The following ZMYM6 variants were observed in gnomAD, a reference collection of about 807,000 sequenced individuals.
ZMYM6 encodes zinc finger MYM-type protein 6.
Under a neutral mutation model 134.0 loss-of-function variants are expected in ZMYM6, and 90 were observed. The ratio of observed to expected loss-of-function variants is 0.67; its 90% confidence interval spans 0.57 to 0.80. The LOEUF is 0.80. ZMYM6 is among the 30% of genes least tolerant of loss of function. The pLI is 0.00. For synonymous variants in ZMYM6, 481 were observed against 524.1 expected (o/e 0.92, Z 1.12); for missense variants, 1,362 against 1,533.9 (o/e 0.89, Z 1.87).
chr1:35,012,604 G>C (rs1464746745), intron 6 of ZMYM6, 23 bp from the exon 7 acceptor site: 4 of 1,611,416 alleles, frequency 2.5e-6, no homozygotes, highest in Non-Finnish European at 3.4e-6. Context: ...AATAACATTA[G>C]ATACCTAGTA....
At chr1:35,007,850 G>A (rs756867602) in intron 11 of ZMYM6, among the ~76,000 whole-genome samples, 1 of 151,290 alleles carries the variant, frequency 6.6e-6, no homozygotes, top group Middle Eastern at 3.4e-3. Context: ...TGGGATGGGG[G>A]AAGAAAAGAT....
chr1:35,001,121 A>G (rs2148447696), intron 14 of ZMYM6, among the ~76,000 whole-genome samples: 1 of 152,306 alleles, frequency 6.6e-6, no homozygotes, highest in South Asian at 2.1e-4. Flanking sequence ...CTTTTATAGA[A>G]AAAGTTTGCT....
At position 34,988,650 on chromosome 1, in the gene ZMYM6, A is replaced by G. The variant is rs1346077720; in HGVS notation, c.2432T>C (p.Met811Thr). 3.9e-6 allele frequency: 6 copies of G among 1,547,254 alleles called. No individual in the cohort carries two copies. Among genetic ancestry groups the G allele is most frequent in the Non-Finnish European group, 5.2e-6 (6 of 1,145,628 alleles). ...VDFFEQKSLEMECQNSSLKKC... is the reference protein window; with the variant it reads ...VDFFEQKSLETECQNSSLKKC... ...TTTTAAAGAACTATTTTGACATTCC[A>G]TTTCTAAAGATTTTTGTTCAAAAAA... Residue 811 changes from methionine (M) to threonine (T), a missense_variant, in exon 16 of 16, where the codon ATG becomes ACG. Physicochemically the swap from Met to Thr is moderately conservative, Grantham distance 81 (BLOSUM62 -1). This residue lies in a region of ZMYM6 where 824 missense variants were observed against 940.9 expected (regional missense o/e 0.88). Coordinates refer to ENST00000357182, the MANE Select transcript of ZMYM6 (RefSeq NM_007167.4).
intron 11 of ZMYM6, among the ~76,000 whole-genome samples, chr1:35,007,556 C>T (rs1474242335): frequency 1.3e-5 from 2 of 151,694 alleles, no homozygotes; most frequent in Non-Finnish European, 2.9e-5. Context: ...TCACTGCACT[C>T]CAGCCTGGGT....
At chr1:35,007,807 T>A (rs1386581546) in intron 11 of ZMYM6, among the ~76,000 whole-genome samples, 3 of 151,624 alleles carry the variant, frequency 2.0e-5, no homozygotes, top group African/African-American at 7.3e-5. Flanking sequence ...TAGAACAAGA[T>A]TCTGTCTGGC....
chr1:34,987,556 A>T lies in ZMYM6; in HGVS notation c.3526T>A (p.Ser1176Thr). Residue 1176 changes from serine to threonine, a missense_variant, in exon 16 of 16, where the codon TCA (serine) becomes ACA (threonine). Transcript: ENST00000357182. The part of the protein sequence containing the change: ...FPSFSEFSNS[S>T]GLNMTDITRI... ...GTGATGTCTGTCATATTTAAGCCTG[A>T]TGAATTTGAGAATTCAGAAAATGAA... is the stretch of plus-strand genomic sequence containing the variant. 6.2e-7 allele frequency: 1 copy of T among 1,613,978 alleles called. No homozygotes were observed. The highest frequency in any genetic ancestry group is 8.5e-7 in the Non-Finnish European group (1 of 1,179,962).
intron 4 of ZMYM6, among the ~76,000 whole-genome samples, chr1:35,015,943 T>C (rs751607935): frequency 7.9e-6 from 1 of 126,292 alleles, no homozygotes; most frequent in Non-Finnish European, 1.5e-5. Flanking sequence ...AATTTTTTCT[T>C]TCTTTTTTTT....
At chr1:35,012,974 G>A in intron 6 of ZMYM6, 6 of 983,846 alleles carry the variant, frequency 6.1e-6, no homozygotes, top group Non-Finnish European at 7.2e-6. Flanking sequence ...TACTTAATTT[G>A]TGAGATTCTT....
chr1:35,012,916 T>C, intron 6 of ZMYM6: 1 of 985,320 alleles, frequency 1.0e-6, no homozygotes, highest in Non-Finnish European at 1.2e-6. Context: ...GGGTCATTCT[T>C]GGTATAGTCT....
Position 35,010,842 on chromosome 1 carries a change from A to T in ZMYM6, c.1257T>A (p.Val419=), listed in dbSNP as rs184782488. The T allele has an allele frequency of 4.3e-6, 7 of 1,613,320 alleles. No homozygotes were observed. The African/African-American group carries it at 9.3e-5, about 22-fold the overall frequency. ...GTTTAACAACTGTATGGGTTAAAGCAACTTGCTGGGATTGTTCAGCAAGAG... is the reference window on the plus strand; with the variant it reads ...GTTTAACAACTGTATGGGTTAAAGCTACTTGCTGGGATTGTTCAGCAAGAG... ...LQPLAEQSQQ[V]ALTHTVVKLK... Residue 419 remains valine, a synonymous_variant, in exon 9 of 16, where the codon GTT becomes GTA. Coordinates refer to ENST00000357182, the MANE Select transcript of ZMYM6 (RefSeq NM_007167.4).
At chr1:35,026,328 A>G (rs997896932) in intron 2 of ZMYM6, among the ~76,000 whole-genome samples, 1 of 152,194 alleles carries the variant, frequency 6.6e-6, no homozygotes, top group African/African-American at 2.4e-5. Flanking sequence ...GCCTTCAACT[A>G]TAATTTTAAT....
chr1:35,006,917 A>T, intron 12 of ZMYM6, 34 bp downstream of exon 12: 1 of 1,588,086 alleles, frequency 6.3e-7, no homozygotes, highest in Non-Finnish European at 8.6e-7. Context: ...CCTAGCACTG[A>T]CATAAAAATC....
rs1316629263 is a variant in ZMYM6, at chr1:35,013,433, T to TTTTTCCC, written c.796-853_796-852insGGGAAAA. On this transcript the variant is annotated intron_variant, in intron 6 of 15. Transcript: ENST00000357182. Reference sequence around the variant, plus strand: ...AGGTTTCACTACATAATCTTCCTAGTAAAAAGACAGAGTACAATACTAGTA... The same window carrying TTTTTCCC: ...AGGTTTCACTACATAATCTTCCTAGTTTTTCCCAAAAAGACAGAGTACAATACTAGTA... The TTTTTCCC allele has an allele frequency of 4.1e-6, 4 of 984,450 alleles. No individual in the cohort carries two copies. The African/African-American group carries it at 7.0e-5, about 17-fold the overall frequency. The allele number at this position is 984,450 out of a possible 1,614,324, so 61.0% of individuals were successfully genotyped here.
intron 11 of ZMYM6, 107 bp downstream of exon 11, chr1:35,008,645 T>C (rs1641029223): frequency 1.8e-6 from 2 of 1,123,348 alleles, no homozygotes; most frequent in South Asian, 1.7e-5. Context: ...ACTTATTTTA[T>C]CCAGTGCTAA....
chr1:35,030,082 T>TATTA (rs1402697500), intron 2 of ZMYM6: 1 of 154,232 alleles, frequency 6.5e-6, no homozygotes, highest in African/African-American at 2.4e-5. Flanking sequence ...ATGGTAAATA[T>TATTA]ATTACTTTCC....
rs572815505 is a variant in ZMYM6, at chr1:35,007,242, G to C, written c.1666-144C>G. 1,402 of 740,510 alleles carry C rather than the reference G, an allele frequency of 1.9e-3. 3 individuals are homozygous for C. Among genetic ancestry groups the C allele is most frequent in the Non-Finnish European group, 1.8e-3 (900 of 510,966 alleles). 45.9% of individuals were successfully genotyped at this position (740,510 alleles called of 1,614,324 possible). On this transcript the variant is annotated intron_variant, in intron 11 of 15. Transcript: ENST00000357182. ...TGTAAGGTTCTTACCTTAAAATACT[G>C]ATTTTATTTAATTATTTGTTTTATA... is the stretch of plus-strand genomic sequence containing the variant.
At chr1:35,022,953 T>A (rs977155953) in intron 2 of ZMYM6, among the ~76,000 whole-genome samples, 1 of 152,030 alleles carries the variant, frequency 6.6e-6, no homozygotes, top group Non-Finnish European at 1.5e-5. Context: ...TCTTTCTTAG[T>A]TTCAATTTCT....
At chr1:35,012,790 A>G in intron 6 of ZMYM6, 1 of 985,326 alleles carries the variant, frequency 1.0e-6, no homozygotes, top group Non-Finnish European at 1.2e-6. Flanking sequence ...AACTATTCAG[A>G]TAGAGATCTT....
intron 12 of ZMYM6, 31 bp from the exon 13 acceptor site, chr1:35,005,303 T>A (rs1298394966): frequency 6.2e-7 from 1 of 1,607,456 alleles, no homozygotes; most frequent in African/African-American, 1.3e-5. Flanking sequence ...AGATCTGGAA[T>A]AAGCAAAAGG....
Sources: gnomAD v4.1 joint callset for allele counts (sites outside exome capture counted in the v4.1 genomes callset) on GRCh38, gnomAD v4.1.1 for gene constraint, gnomAD v4.1.1 regional missense constraint, MANE v1.5 for transcripts, NCBI Gene and HGNC (gene_info 2026-07-23, HGNC 2026-07-21) for gene names.